GNB4: variants seen among roughly 807,000 people sequenced by gnomAD.
GNB4 encodes the protein guanine nucleotide-binding protein subunit beta-4.
GNB4 carries 28 observed loss-of-function variants against 45.2 expected under a neutral mutation model. The observed-to-expected ratio is 0.62, with a 90% CI of 0.46 to 0.85. The LOEUF (loss-of-function observed/expected upper bound fraction) is 0.85. GNB4 is among the 40% of genes least tolerant of loss of function. GNB4 has a pLI of 0.00. For synonymous variants in GNB4, 132 were observed against 143.7 expected, an observed-to-expected ratio of 0.92 and a Z score of 0.58; for missense variants, 321 against 425.4, an observed-to-expected ratio of 0.75 and a Z score of 2.16.
the GNB4 span, among the ~76,000 whole-genome samples, chr3:179,519,798 C>T: frequency 6.6e-6 from 1 of 152,092 alleles, no homozygotes; most frequent in East Asian, 1.9e-4. Flanking sequence ...TCATGCACCC[C>T]TCACCATCCC....
chr3:179,462,604 C>T, the GNB4 span, among the ~76,000 whole-genome samples: 1 of 151,966 alleles, frequency 6.6e-6, no homozygotes, highest in Non-Finnish European at 1.5e-5. Flanking sequence ...TTTGGGAGGC[C>T]GAGGCGGGCA....
the GNB4 span, among the ~76,000 whole-genome samples, chr3:179,472,038 C>G: frequency 6.6e-6 from 1 of 151,796 alleles, no homozygotes; most frequent in South Asian, 2.1e-4. Flanking sequence ...ATGATATAGC[C>G]ACATAATAGA....
the GNB4 span, among the ~76,000 whole-genome samples, chr3:179,456,494 T>C: frequency 6.6e-6 from 1 of 152,254 alleles, no homozygotes; most frequent in African/African-American, 2.4e-5. Context: ...TAATATGTTC[T>C]GTTAGATATT....
chr3:179,432,160 G>C (rs1715327491), intron 1 of GNB4, among the ~76,000 whole-genome samples: 1 of 152,154 alleles, frequency 6.6e-6, no homozygotes, highest in Non-Finnish European at 1.5e-5. Flanking sequence ...GATGGAAAGG[G>C]AGCGTAGTTA....
At chr3:179,458,434 T>C in the GNB4 span, among the ~76,000 whole-genome samples, 1 of 152,222 alleles carries the variant, frequency 6.6e-6, no homozygotes, top group Non-Finnish European at 1.5e-5. Flanking sequence ...AGGGTAATGA[T>C]GATTTAAACA....
At chr3:179,464,915 A>G in the GNB4 span, 3 of 1,523,142 alleles carry the variant, frequency 2.0e-6, no homozygotes, top group African/African-American at 2.7e-5. Context: ...TGACATTCCA[A>G]CCCTAGGGAA....
the GNB4 span, among the ~76,000 whole-genome samples, chr3:179,459,565 C>T: frequency 1.3e-5 from 2 of 152,034 alleles, no homozygotes; most frequent in Non-Finnish European, 2.9e-5. Context: ...GCCTGTAATC[C>T]CAGCTACTCG....
At chr3:179,426,071 T>C in intron 2 of GNB4, 73 bp downstream of exon 2, 1 of 1,195,432 alleles carries the variant, frequency 8.4e-7, no homozygotes, top group Non-Finnish European at 1.2e-6. Context: ...TATAGACTGA[T>C]AAACTAATAG....
intron 8 of GNB4, among the ~76,000 whole-genome samples, chr3:179,411,317 ATAT>A (rs904693588): frequency 2.0e-5 from 3 of 152,138 alleles, no homozygotes; most frequent in African/African-American, 7.2e-5. Context: ...GAATTTCAAA[ATAT>A]TATAAAAATA....
At chr3:179,437,222 C>T (rs1577038323) in intron 1 of GNB4, among the ~76,000 whole-genome samples, 1 of 152,288 alleles carries the variant, frequency 6.6e-6, no homozygotes, top group African/African-American at 2.4e-5. Context: ...CCCAGAGCAG[C>T]ACCCACAGAG....
At chr3:179,501,298 AT>A in the GNB4 span, among the ~76,000 whole-genome samples, 42,894 of 130,904 alleles carry the variant, frequency 0.33, 5,545 homozygotes, top group East Asian at 0.71. Context: ...AATTGCCTAC[AT>A]TTTTTTTTTT....
At chr3:179,481,126 C>T in the GNB4 span, among the ~76,000 whole-genome samples, 2 of 152,102 alleles carry the variant, frequency 1.3e-5, no homozygotes, top group Non-Finnish European at 2.9e-5. Context: ...GCTGGGATTA[C>T]AGGCGTGAGC....
chr3:179,426,017 T>C (rs1478686101), intron 2 of GNB4, 127 bp downstream of exon 2: 2 of 697,962 alleles, frequency 2.9e-6, no homozygotes, highest in African/African-American at 1.9e-5. Flanking sequence ...TACTTCGCCA[T>C]GTGAGAGAAA....
the GNB4 span, among the ~76,000 whole-genome samples, chr3:179,507,449 A>C: frequency 1.3e-5 from 2 of 152,236 alleles, no homozygotes; most frequent in African/African-American, 4.8e-5. Context: ...GAGAAAAGAA[A>C]AGAAAGGCTT....
the GNB4 span, among the ~76,000 whole-genome samples, chr3:179,460,208 T>C: frequency 2.2e-4 from 34 of 152,354 alleles, no homozygotes; most frequent in African/African-American, 7.9e-4. Context: ...TCATGGACGT[T>C]CTCATTGCAA....
the GNB4 span, among the ~76,000 whole-genome samples, chr3:179,494,769 G>A: frequency 1.6e-4 from 24 of 151,744 alleles, no homozygotes; most frequent in Middle Eastern, 3.4e-3. Flanking sequence ...TTAGCTGGGC[G>A]TGGTGGTGGG....
Position 179,413,780 on chromosome 3 carries a change from C to T in GNB4, c.432G>A (p.Gly144=), listed in dbSNP as rs759607911. The T allele has an allele frequency of 8.1e-6, 13 of 1,613,618 alleles. No individual in the cohort carries two copies. In the Admixed American group the frequency reaches 1.3e-4, roughly 17 times the overall value. ...RVSRELPGHT[G]YLSCCRFLDD... ...CTAAAAAACGACAGCAGGACAAGTACCCTACAGCATAAAGAGTAGCAAATT... is the reference window on the plus strand; with the variant it reads ...CTAAAAAACGACAGCAGGACAAGTATCCTACAGCATAAAGAGTAGCAAATT... Residue 144 remains glycine, a splice_region_variant and synonymous_variant, in exon 7 of 10, where the codon GGG becomes GGA. Transcript: ENST00000232564.
At chr3:179,481,984 C>T in the GNB4 span, among the ~76,000 whole-genome samples, 118 of 152,228 alleles carry the variant, frequency 7.8e-4, no homozygotes, top group African/African-American at 2.7e-3. Context: ...CTCAATATAG[C>T]ATCTACCTCC....
chr3:179,434,341 G>A (rs547317663), intron 1 of GNB4, among the ~76,000 whole-genome samples: 1 of 152,214 alleles, frequency 6.6e-6, no homozygotes, highest in South Asian at 2.1e-4. Flanking sequence ...GGAAAAAAAA[G>A]CAAATTCCAG....
Sources: allele counts gnomAD v4.1 joint callset (sites outside exome capture counted in the v4.1 genomes callset), GRCh38; gene constraint gnomAD v4.1.1; transcripts MANE v1.5; gene names NCBI Gene and HGNC (gene_info 2026-07-23, HGNC 2026-07-21).